Variants in SORCS1 observed in about 807,000 individuals in gnomAD.
The protein encoded by SORCS1 is VPS10 domain-containing receptor SorCS1.
In SORCS1, 60 loss-of-function variants were observed where a neutral mutation model predicts 146.1. That is an observed-to-expected ratio of 0.41 (90% confidence interval 0.33 to 0.51). SORCS1 has a LOEUF of 0.51. SORCS1 is among the 20% of genes least tolerant of loss of function. SORCS1 has a pLI of 0.21. For missense variants in SORCS1, 1,352 were observed against 1,487.6 expected (o/e 0.91, Z 1.50); for synonymous variants, 637 against 584.0 (o/e 1.09, Z -1.31).
At chr10:107,130,974 C>T (rs558270088) in intron 1 of SORCS1, among the ~76,000 whole-genome samples, 106 of 152,272 alleles carry the variant, frequency 7.0e-4, no homozygotes, top group African/African-American at 2.5e-3. Context: ...CCAGTAACTT[C>T]TAGTCTACTT....
chr10:106,969,727 G>A (rs1490234650), intron 1 of SORCS1, among the ~76,000 whole-genome samples: 1 of 152,222 alleles, frequency 6.6e-6, no homozygotes, highest in Non-Finnish European at 1.5e-5. Flanking sequence ...TAGCGGAAAT[G>A]AGTATACAGA....
intron 1 of SORCS1, among the ~76,000 whole-genome samples, chr10:107,104,090 A>G (rs1445181226): frequency 6.6e-6 from 1 of 150,964 alleles, no homozygotes; most frequent in African/African-American, 2.4e-5. Context: ...GGTGCAACTG[A>G]CAAATTCAAG....
At chr10:106,600,385 A>C in intron 23 of SORCS1, 7 of 977,652 alleles carry the variant, frequency 7.2e-6, no homozygotes, top group Non-Finnish European at 7.3e-6. Context: ...AACAATGAAC[A>C]CATGCTTTGT....
intron 2 of SORCS1, among the ~76,000 whole-genome samples, chr10:106,862,704 G>A (rs2137455293): frequency 6.9e-6 from 1 of 145,178 alleles, no homozygotes; most frequent in East Asian, 2.1e-4. Flanking sequence ...CCAGCACTTT[G>A]GGAGGCCGAG....
chr10:107,126,384 A>T (rs760149259), intron 1 of SORCS1, among the ~76,000 whole-genome samples: 6 of 152,214 alleles, frequency 3.9e-5, no homozygotes, highest in Non-Finnish European at 8.8e-5. Flanking sequence ...TGCACCACCC[A>T]GAAAACTGTG....
chr10:106,800,010 A>G (rs1009930168), intron 3 of SORCS1, among the ~76,000 whole-genome samples: 1 of 152,164 alleles, frequency 6.6e-6, no homozygotes, highest in Non-Finnish European at 1.5e-5. Context: ...ATGCATTGCC[A>G]CAAATGTAAC....
intron 9 of SORCS1, among the ~76,000 whole-genome samples, chr10:106,690,539 C>T (rs1243108488): frequency 5.3e-5 from 8 of 152,302 alleles, no homozygotes; most frequent in East Asian, 1.9e-4. Context: ...TATTGGCCCC[C>T]GACTGCTTGG....
intron 2 of SORCS1, among the ~76,000 whole-genome samples, chr10:106,925,195 G>GTTTT (rs531093139): frequency 1.4e-5 from 2 of 147,098 alleles, no homozygotes; most frequent in South Asian, 2.2e-4. Flanking sequence ...TCTATTGTTT[G>GTTTT]TTTTTTTTTT....
intron 3 of SORCS1, among the ~76,000 whole-genome samples, chr10:106,805,853 T>C (rs1947137785): frequency 6.7e-6 from 1 of 149,840 alleles, no homozygotes; most frequent in South Asian, 2.1e-4. Flanking sequence ...GGTCAGGAGA[T>C]CGAGACCATC....
At chr10:106,640,261 G>C (rs1265883528) in intron 18 of SORCS1, among the ~76,000 whole-genome samples, 4 of 152,120 alleles carry the variant, frequency 2.6e-5, no homozygotes, top group Non-Finnish European at 5.9e-5. Flanking sequence ...GGGTACTTTA[G>C]TGCTCCCATA....
At chr10:106,843,527 G>A (rs1949157757) in intron 2 of SORCS1, among the ~76,000 whole-genome samples, 3 of 145,690 alleles carry the variant, frequency 2.1e-5, no homozygotes, top group Admixed American at 1.5e-4. Context: ...CGCCCCCCAG[G>A]TTCACGCCAT....
chr10:106,627,211 A>C (rs1848165968), intron 19 of SORCS1, among the ~76,000 whole-genome samples: 1 of 152,184 alleles, frequency 6.6e-6, no homozygotes, highest in South Asian at 2.1e-4. Flanking sequence ...AAAAAAACCT[A>C]CAGAGTGACA....
chr10:106,729,928 T>C (rs1856475119), intron 6 of SORCS1, 122 bp downstream of exon 6: 2 of 1,224,520 alleles, frequency 1.6e-6, no homozygotes, highest in Non-Finnish European at 2.3e-6. Flanking sequence ...CCCCAAATCC[T>C]CAGAAACCAC....
intron 9 of SORCS1, among the ~76,000 whole-genome samples, chr10:106,694,019 G>T (rs1042872159): frequency 3.9e-5 from 6 of 152,210 alleles, no homozygotes; most frequent in Admixed American, 1.3e-4. Flanking sequence ...CAACGACTGT[G>T]GCAAGAAAGA....
At chr10:106,891,501 A>ATTATTTTTTTTTTTTTTTTTTTTTTTTTT (rs562213104) in intron 2 of SORCS1, among the ~76,000 whole-genome samples, 1 of 74,066 alleles carries the variant, frequency 1.4e-5, no homozygotes, top group Non-Finnish European at 2.9e-5. Flanking sequence ...TTCAATGGGA[A>ATTATTTTTTTTTTTTTTTTTTTTTTTTTT]TTCTTTTTTT....
chr10:106,613,125 T>C (rs1589473279), intron 21 of SORCS1, among the ~76,000 whole-genome samples: 1 of 152,366 alleles, frequency 6.6e-6, no homozygotes, highest in African/African-American at 2.4e-5. Context: ...GTAATCATTC[T>C]ATTGCTATCG....
At chr10:106,675,933 C>A (rs545105725) in intron 13 of SORCS1, among the ~76,000 whole-genome samples, 2 of 152,170 alleles carry the variant, frequency 1.3e-5, no homozygotes, top group African/African-American at 2.4e-5. Flanking sequence ...CCTCATCAGA[C>A]ACTGAATCTG....
chr10:106,761,669 G>C lies in SORCS1; in HGVS notation c.886-8C>G. 1 of 1,613,644 alleles carries C rather than the reference G, an allele frequency of 6.2e-7. No homozygotes were observed. Among genetic ancestry groups the C allele is most frequent in the Non-Finnish European group, 8.5e-7 (1 of 1,179,640 alleles). On this transcript the variant is annotated splice_polypyrimidine_tract_variant and splice_region_variant and intron_variant, in intron 4 of 25. Coordinates refer to ENST00000263054, the MANE Select transcript of SORCS1 (RefSeq NM_052918.5). The stretch of plus-strand genomic sequence containing the variant: ...TTCAGCAGAGCTGTATAACTGTAAA[G>C]AACAGAAATTACTCAGCACTATGGT...
chr10:106,606,025 GC>G (rs1846550881), intron 23 of SORCS1, among the ~76,000 whole-genome samples: 2 of 152,122 alleles, frequency 1.3e-5, no homozygotes, highest in South Asian at 4.1e-4. Context: ...TTACTTAGTG[GC>G]CGAGAGGAAT....
Sources: gnomAD v4.1 joint callset for allele counts (sites outside exome capture counted in the v4.1 genomes callset) on GRCh38, gnomAD v4.1.1 for gene constraint, MANE v1.5 for transcripts, NCBI Gene and HGNC (gene_info 2026-07-23, HGNC 2026-07-21) for gene names.